The following USP24 variants were observed in gnomAD, a reference collection of about 807,000 sequenced individuals.
USP24 encodes ubiquitin carboxyl-terminal hydrolase 24.
Under a neutral mutation model 361.6 loss-of-function variants are expected in USP24, and 97 were observed. The ratio of observed to expected loss-of-function variants is 0.27; its 90% confidence interval spans 0.23 to 0.32. The LOEUF (loss-of-function observed/expected upper bound fraction) is 0.32. Among genes scored for constraint, USP24 ranks in the 10% least tolerant of loss-of-function variants. USP24 has a pLI of 1.00. For synonymous variants in USP24, 1,098 were observed against 1,124.6 expected (o/e 0.98, Z 0.47); for missense variants, 2,353 against 3,165.6 (o/e 0.74, Z 6.16).
intron 5 of USP24, 54 bp downstream of exon 5, chr1:55,171,502 A>G: frequency 1.9e-6 from 3 of 1,542,820 alleles, no homozygotes; most frequent in Non-Finnish European, 2.6e-6. Flanking sequence ...AGCACAGAAA[A>G]TCTTCTTTTT....
At position 55,134,092 on chromosome 1, in the gene USP24, T is replaced by C. The variant is rs1451623412; in HGVS notation, c.3359A>G (p.Gln1120Arg). The change falls in exon 30 of 68, where the codon CAA (glutamine) becomes CGA (arginine). Residue 1120 changes from glutamine to arginine, a missense_variant. Around this residue, in one of 8 missense-constraint regions of USP24, gnomAD observed 949 missense variants for 1,280.5 expected, o/e 0.74. Coordinates refer to ENST00000294383, the MANE Select transcript of USP24 (RefSeq NM_015306.3). The stretch of plus-strand genomic sequence containing the variant: ...TACCTTTCTTCCTAAAGAATCAAGT[T>C]GATCAAGGGCTTCCTGAATGGCTGG... ...TDPAIQEALD[Q>R]LDSLGRKKTL... 7 of 1,613,634 alleles carry C rather than the reference T, an allele frequency of 4.3e-6. No individual in the cohort carries two copies.
At chr1:55,145,939 A>G (rs201654996) in intron 20 of USP24, 59 bp downstream of exon 20, 131 of 1,223,126 alleles carry the variant, frequency 1.1e-4, no homozygotes, top group Non-Finnish European at 1.4e-4. Flanking sequence ...AAAGTAAAGG[A>G]AAGAATAACA....
At chr1:55,187,717 ATACT>A (rs1161985765) in intron 1 of USP24, among the ~76,000 whole-genome samples, 5 of 152,162 alleles carry the variant, frequency 3.3e-5, no homozygotes, top group Non-Finnish European at 5.9e-5. Flanking sequence ...AAAGAATAAA[ATACT>A]TAGGAAGTGC....
At chr1:55,199,882 G>A (rs1170748214) in intron 1 of USP24, among the ~76,000 whole-genome samples, 2 of 152,148 alleles carry the variant, frequency 1.3e-5, no homozygotes, top group East Asian at 3.9e-4. Flanking sequence ...ACAGTTCCAC[G>A]TGGCTGGGGA....
intron 16 of USP24, among the ~76,000 whole-genome samples, chr1:55,149,802 T>C (rs1308717117): frequency 2.0e-5 from 3 of 152,224 alleles, no homozygotes; most frequent in Non-Finnish European, 2.9e-5. Context: ...CTGGTATAGG[T>C]AGTACCAAAC....
At chr1:55,118,578 G>C (rs1646188175) in intron 38 of USP24, among the ~76,000 whole-genome samples, 1 of 152,090 alleles carries the variant, frequency 6.6e-6, no homozygotes, top group African/African-American at 2.4e-5. Context: ...AAAAACACAG[G>C]TAACTAAAGA....
intron 38 of USP24, among the ~76,000 whole-genome samples, chr1:55,114,927 G>C (rs1033370061): frequency 6.6e-6 from 1 of 152,094 alleles, no homozygotes; most frequent in Non-Finnish European, 1.5e-5. Flanking sequence ...CTTCTGCACA[G>C]CAAAAGAAAC....
rs752422488 is a variant in USP24, at chr1:55,106,160, C to T, written c.4866G>A (p.Gln1622=). ...ATTTTCCATACTTTGGATGAAAGTC[C>T]TGTTGACTGATGGCGGCACTGCCAG... The part of the protein sequence containing the change: ...SPAGSAAISQ[Q]DFHPKCSTAN... The change falls in exon 41 of 68, where the codon CAG becomes CAA. Residue 1622 remains glutamine (Q), a synonymous_variant. Transcript: ENST00000294383. 7 of 1,613,054 alleles carry T rather than the reference C, an allele frequency of 4.3e-6. No homozygotes were observed. The South Asian group carries it at 4.4e-5, about 10-fold the overall frequency.
intron 7 of USP24, among the ~76,000 whole-genome samples, chr1:55,164,813 T>C (rs1648662656): frequency 6.6e-6 from 1 of 152,056 alleles, no homozygotes; most frequent in Admixed American, 6.6e-5. Context: ...TTTTTTTTTT[T>C]TTAACCCTGG....
rs1427947753 is a variant in USP24, at chr1:55,214,920, C to G, written c.194G>C (p.Gly65Ala). ...PMDSGGGPSP[G>A]PGGGPRGDGG... is the part of the protein sequence containing the mutation. ...GTCGCCCCGCGGGCCCCCGCCGGGCCCGGGGCTGGGGCCACCGCCGCTGTC... is the reference window on the plus strand; with the variant it reads ...GTCGCCCCGCGGGCCCCCGCCGGGCGCGGGGCTGGGGCCACCGCCGCTGTC... Residue 65 changes from glycine to alanine, a missense_variant, in exon 1 of 68, where the codon GGG becomes GCG. By Grantham distance (60) the Gly-to-Ala change is moderately conservative. Transcript: ENST00000294383. 2 of 1,317,868 alleles carry G rather than the reference C, an allele frequency of 1.5e-6. No individual in the cohort carries two copies. Among genetic ancestry groups the G allele is most frequent in the Non-Finnish European group, 2.0e-6 (2 of 1,024,426 alleles). The allele number at this position is 1,317,868 out of a possible 1,614,324, so 81.6% of individuals were successfully genotyped here.
intron 39 of USP24, among the ~76,000 whole-genome samples, chr1:55,107,866 A>AAAAAC (rs1553150193): frequency 1.4e-5 from 2 of 138,784 alleles, no homozygotes; most frequent in Admixed American, 7.0e-5. Flanking sequence ...AAAAAAAAAA[A>AAAAAC]CACACAAAAA....
intron 38 of USP24, among the ~76,000 whole-genome samples, chr1:55,116,425 T>C (rs1231805395): frequency 6.7e-6 from 1 of 149,946 alleles, no homozygotes; most frequent in Admixed American, 6.6e-5. Flanking sequence ...AACCTTTAGG[T>C]AGACTAACAC....
At chr1:55,191,754 C>G (rs767370393) in intron 1 of USP24, among the ~76,000 whole-genome samples, 1 of 151,984 alleles carries the variant, frequency 6.6e-6, no homozygotes, top group African/African-American at 2.4e-5. Flanking sequence ...GCTCCCAAAG[C>G]GCTAGGATTA....
At chr1:55,075,247 G>A (rs1019640748) in intron 63 of USP24, among the ~76,000 whole-genome samples, 2 of 151,910 alleles carry the variant, frequency 1.3e-5, no homozygotes, top group Non-Finnish European at 2.9e-5. Context: ...ACACCTTCCT[G>A]ACTAAAAGAG....
In USP24 at chr1:55,089,675, T is replaced by C; in HGVS notation, c.6620A>G (p.Gln2207Arg). 1 of 1,604,896 alleles carries C rather than the reference T, an allele frequency of 6.2e-7. No homozygotes were observed. The highest frequency in any genetic ancestry group is 8.5e-7 in the Non-Finnish European group (1 of 1,175,100). ...ALLSKSFDACQWLVEYFISSE... is the reference protein window; with the variant it reads ...ALLSKSFDACRWLVEYFISSE... Reference sequence around the variant, plus strand: ...ACTAATAAAATATTCAACTAACCACTGACAAGCATCAAAACTTTTTGAAAG... The same window carrying C: ...ACTAATAAAATATTCAACTAACCACCGACAAGCATCAAAACTTTTTGAAAG... The change falls in exon 55 of 68, where the codon CAG becomes CGG. Residue 2207 changes from glutamine (Q) to arginine (R), a missense_variant. Gln to Arg is a conservative substitution (Grantham distance 43). Coordinates refer to ENST00000294383, the MANE Select transcript of USP24 (RefSeq NM_015306.3).
In USP24 at chr1:55,115,864, G is replaced by A. The variant is rs532352421; in HGVS notation, c.4508+4732C>T. The stretch of plus-strand genomic sequence containing the variant: ...AGAAAAGGATGAGTTCATACCCTTT[G>A]CAGGGACACAGATGAAGCTGGAAAT... On this transcript the variant is annotated intron_variant, in intron 38 of 67. Coordinates refer to ENST00000294383, the MANE Select transcript of USP24 (RefSeq NM_015306.3). 2.0e-5 allele frequency among the ~76,000 whole-genome samples: 3 copies of A among 152,298 alleles called. No homozygotes were observed. The South Asian group carries it at 6.2e-4, about 32-fold the overall frequency.
At position 55,146,951 on chromosome 1, in the gene USP24, T is replaced by A. The variant is rs1254313762; in HGVS notation, c.2228A>T (p.Asp743Val). 2 of 1,612,258 alleles carry A rather than the reference T, an allele frequency of 1.2e-6. No individual in the cohort carries two copies. Among genetic ancestry groups the A allele is most frequent in the Non-Finnish European group, 1.7e-6 (2 of 1,179,016 alleles). Residue 743 changes from aspartate (D) to valine (V), a missense_variant, in exon 19 of 68, where the codon GAT becomes GTT. Physicochemically the swap from Asp to Val is radical, Grantham distance 152. Transcript: ENST00000294383. ...EIWECLVTGQ[D>V]VCELDREMCF... Reference sequence around the variant, plus strand: ...TACCTCTCTATCTAATTCACAAACATCCTGGCCAGTTACAAGACACTCCCA... The same window carrying A: ...TACCTCTCTATCTAATTCACAAACAACCTGGCCAGTTACAAGACACTCCCA...
At chr1:55,167,431 G>A (rs1648998061) in intron 5 of USP24, among the ~76,000 whole-genome samples, 1 of 152,158 alleles carries the variant, frequency 6.6e-6, no homozygotes, top group African/African-American at 2.4e-5. Context: ...AGCCAGGAGT[G>A]GCAGAGATGA....
At chr1:55,086,632 A>G (rs1645257451) in intron 55 of USP24, among the ~76,000 whole-genome samples, 1 of 152,200 alleles carries the variant, frequency 6.6e-6, no homozygotes, top group Non-Finnish European at 1.5e-5. Flanking sequence ...TGAAGGAATT[A>G]TATTAATTTT....
Sources: allele counts gnomAD v4.1 joint callset (sites outside exome capture counted in the v4.1 genomes callset), GRCh38; gene constraint gnomAD v4.1.1; regional missense constraint gnomAD v4.1.1; transcripts MANE v1.5; gene names NCBI Gene and HGNC (gene_info 2026-07-23, HGNC 2026-07-21).